C4orf51: variants seen among roughly 807,000 people sequenced by gnomAD.
C4orf51 encodes uncharacterized protein C4orf51.
In C4orf51, 25 loss-of-function variants were observed where a neutral mutation model predicts 25.2. The observed-to-expected ratio is 0.99, with a 90% CI of 0.72 to 1.39. C4orf51 has a LOEUF of 1.39. Among genes scored for constraint, C4orf51 ranks in the 40% most tolerant of loss-of-function variants. The pLI is 0.00. For missense variants in C4orf51, 252 were observed against 239.6 expected (o/e 1.05, Z -0.34); for synonymous variants, 100 against 84.5 (o/e 1.18, Z -1.01).
chr4:145,726,424 A>G (rs1252064092), intron 2 of C4orf51, among the ~76,000 whole-genome samples: 1 of 152,018 alleles, frequency 6.6e-6, no homozygotes, highest in Non-Finnish European at 1.5e-5. Flanking sequence ...TTTTTTTGAG[A>G]CAGGGTCTTG....
At chr4:145,734,433 C>A (rs555253083), downstream of C4orf51, among the ~76,000 whole-genome samples, 2 of 152,162 alleles carry the variant, frequency 1.3e-5, no homozygotes, top group South Asian at 4.2e-4. Context: ...GGGGAAGAGA[C>A]CTGGGCATCA....
At chr4:145,720,939 C>T (rs1731703349) in intron 2 of C4orf51, among the ~76,000 whole-genome samples, 1 of 152,174 alleles carries the variant, frequency 6.6e-6, no homozygotes, top group Non-Finnish European at 1.5e-5. Flanking sequence ...CCTCACTCAC[C>T]ACGGCGTGAG....
At chr4:145,691,915 T>TA (rs1331303102) in intron 1 of C4orf51, among the ~76,000 whole-genome samples, 3 of 151,264 alleles carry the variant, frequency 2.0e-5, no homozygotes, top group Non-Finnish European at 4.4e-5. Context: ...CCCTTGAGTC[T>TA]AAAAAAAAAG....
the C4orf51 span, among the ~76,000 whole-genome samples, chr4:145,776,420 C>A: frequency 6.6e-6 from 1 of 151,248 alleles, no homozygotes; most frequent in Non-Finnish European, 1.5e-5. Context: ...ACAATCACAT[C>A]ACTGCACTCC....
intron 1 of C4orf51, among the ~76,000 whole-genome samples, chr4:145,769,543 G>C (rs942756075): frequency 3.3e-5 from 5 of 152,178 alleles, no homozygotes; most frequent in African/African-American, 1.2e-4. Flanking sequence ...AATGTATAAA[G>C]ATACAATGTG....
intron 2 of C4orf51, among the ~76,000 whole-genome samples, chr4:145,699,573 C>A (rs569056755): frequency 1.3e-5 from 2 of 152,124 alleles, no homozygotes; most frequent in Non-Finnish European, 2.9e-5. Context: ...ATGTTTTATC[C>A]GTGGACCCAA....
downstream of C4orf51, chr4:145,774,644 G>A: frequency 6.2e-7 from 1 of 1,613,866 alleles, no homozygotes; most frequent in Admixed American, 1.7e-5. Context: ...TGGACATTGA[G>A]CTCGGTCTCA....
intron 1 of C4orf51, among the ~76,000 whole-genome samples, chr4:145,745,306 G>A (rs1733309610): frequency 7.4e-6 from 1 of 135,420 alleles, no homozygotes; most frequent in South Asian, 2.5e-4. Flanking sequence ...TCAAATACTA[G>A]GTCTTATTCA....
chr4:145,728,026 A>G (rs1004718999), intron 3 of C4orf51, among the ~76,000 whole-genome samples: 4 of 122,632 alleles, frequency 3.3e-5, no homozygotes, highest in African/African-American at 1.3e-4. Context: ...TATATAATAT[A>G]TATTATATAT....
intron 1 of C4orf51, among the ~76,000 whole-genome samples, chr4:145,743,605 A>G: frequency 6.6e-6 from 1 of 152,224 alleles, no homozygotes; most frequent in African/African-American, 2.4e-5. Flanking sequence ...AAACCATAGG[A>G]CTTTCTTAGT....
At chr4:145,760,846 C>G (rs914869037) in intron 1 of C4orf51, 62 of 1,206,916 alleles carry the variant, frequency 5.1e-5, no homozygotes, top group Non-Finnish European at 6.3e-5. Flanking sequence ...TGAGGGGATG[C>G]TGGGAGGCGC....
intron 2 of C4orf51, among the ~76,000 whole-genome samples, chr4:145,702,208 C>CT (rs1178979494): frequency 6.6e-6 from 1 of 152,070 alleles, no homozygotes; most frequent in Non-Finnish European, 1.5e-5. Context: ...CCAGACAAGG[C>CT]TTACAAGTTA....
chr4:145,685,412 G>A (rs948134515), intron 1 of C4orf51, among the ~76,000 whole-genome samples: 3 of 152,142 alleles, frequency 2.0e-5, no homozygotes, highest in East Asian at 1.9e-4. Context: ...GGGTTTATTC[G>A]GCTAGGGGCA....
intron 1 of C4orf51, among the ~76,000 whole-genome samples, chr4:145,770,345 A>G: frequency 1.7e-5 from 1 of 58,060 alleles, no homozygotes. Flanking sequence ...TAAATAAATA[A>G]ATAAAATAGA....
At chr4:145,774,449 G>T, downstream of C4orf51, 14 of 1,559,798 alleles carry the variant, frequency 9.0e-6, no homozygotes, top group Non-Finnish European at 1.2e-5. Context: ...GGTGGCAGGT[G>T]CTCTGGGGTG....
downstream of C4orf51, chr4:145,774,405 G>A (rs1736725277): frequency 1.5e-6 from 2 of 1,312,092 alleles, no homozygotes; most frequent in Non-Finnish European, 2.1e-6. Context: ...AAGGAAAAGG[G>A]CAATGTCTCA....
intron 1 of C4orf51, among the ~76,000 whole-genome samples, chr4:145,695,782 T>C (rs1318390458): frequency 2.0e-5 from 3 of 152,110 alleles, no homozygotes; most frequent in Admixed American, 2.0e-4. Context: ...CAATGACAGG[T>C]TGTAAAAAGA....
chr4:145,772,500 C>T (rs908269589), downstream of C4orf51, among the ~76,000 whole-genome samples: 1 of 152,188 alleles, frequency 6.6e-6, no homozygotes, highest in African/African-American at 2.4e-5. Flanking sequence ...AGTCCTTGGG[C>T]TCAAATGAGC....
chr4:145,732,055 C>G (rs1362984544), intron 5 of C4orf51, among the ~76,000 whole-genome samples: 3 of 152,140 alleles, frequency 2.0e-5, no homozygotes, highest in Non-Finnish European at 4.4e-5. Flanking sequence ...CTGGGTAGTG[C>G]TTTTGGTAAT....
Sources: gnomAD v4.1 joint callset for allele counts (sites outside exome capture counted in the v4.1 genomes callset) on GRCh38, gnomAD v4.1.1 for gene constraint, MANE v1.5 for transcripts, NCBI Gene and HGNC (gene_info 2026-07-23, HGNC 2026-07-21) for gene names.